CENATAC: variants seen among roughly 807,000 people sequenced by gnomAD.
CENATAC encodes centrosomal AT-AC splicing factor.
CENATAC carries 53 observed loss-of-function variants against 53.7 expected under a neutral mutation model. That is an observed-to-expected ratio of 0.99 (90% CI 0.79 to 1.24). The LOEUF is 1.24. Ranked by LOEUF, CENATAC falls within the 50% of genes most tolerant of loss-of-function variation. The probability of loss-of-function intolerance (pLI) is 0.00; values close to 1 mark genes in which losing one functional copy is unlikely to be tolerated. For synonymous variants in CENATAC, 156 were observed against 144.6 expected (o/e 1.08, Z -0.57); for missense variants, 474 against 417.8 (o/e 1.13, Z -1.17).
intron 1 of CENATAC, 27 bp from the exon 2 acceptor site, chr11:118,998,403 G>A (rs1189949773): frequency 5.6e-6 from 9 of 1,612,616 alleles, no homozygotes; most frequent in Non-Finnish European, 7.6e-6. Context: ...GTCCCCCTCG[G>A]GGTTCTACTT....
chr11:119,009,565 G>A (rs1016580840), intron 3 of CENATAC: 2 of 152,248 alleles, frequency 1.3e-5, no homozygotes, highest in Admixed American at 1.3e-4. Flanking sequence ...GGGAGATGGG[G>A]AGGGAAGTGG....
At chr11:119,009,696 T>TC (rs1942776543) in intron 3 of CENATAC, 1 of 152,252 alleles carries the variant, frequency 6.6e-6, no homozygotes, top group Non-Finnish European at 1.5e-5. Flanking sequence ...TTGGATATAT[T>TC]CAAGGCTCTC....
At chr11:118,999,666 T>A (rs2134516444) in intron 3 of CENATAC, among the ~76,000 whole-genome samples, 1 of 151,940 alleles carries the variant, frequency 6.6e-6, no homozygotes, top group African/African-American at 2.4e-5. Flanking sequence ...TTTTTCTTTT[T>A]ATTTTTCGCT....
chr11:119,010,644 C>T lies in CENATAC; in HGVS notation c.384-120C>T. On this transcript the variant is annotated intron_variant, in intron 3 of 10. Transcript: ENST00000334418. ...TGGGTGAGAGGTACATAGGTGCTTACTATACTGTTTTGTTTCTGAATTTGG... is the reference window on the plus strand; with the variant it reads ...TGGGTGAGAGGTACATAGGTGCTTATTATACTGTTTTGTTTCTGAATTTGG... The T allele has an allele frequency of 4.4e-5, 37 of 839,386 alleles. 2 individuals carry two copies. In the South Asian group the frequency reaches 6.0e-4, roughly 14 times the overall value. 52.0% of individuals were successfully genotyped at this position (839,386 alleles called of 1,614,324 possible).
intron 9 of CENATAC, 66 bp from the exon 10 acceptor site, chr11:119,015,241 C>T: frequency 6.6e-7 from 1 of 1,518,380 alleles, no homozygotes; most frequent in Non-Finnish European, 8.9e-7. Flanking sequence ...GCCTGGACAA[C>T]ATAGTGAGAC....
chr11:119,008,860 C>T (rs1410002627), intron 3 of CENATAC, among the ~76,000 whole-genome samples: 4 of 151,802 alleles, frequency 2.6e-5, no homozygotes, highest in Non-Finnish European at 5.9e-5. Context: ...ATGACCTTTA[C>T]CAGATGTACT....
rs782309167 is a variant in CENATAC at position 118,998,444 on chromosome 11, C to G, written c.135C>G (p.Arg45=). Residue 45 remains arginine (R), a synonymous_variant, in exon 2 of 11, where the codon CGC becomes CGG. Transcript: ENST00000334418. ...ERLLPQVEAA[R]KAIRAAQVER... ...CTCTGCGGCAGGTGGAGGCGGCCCG[C>G]AAGGCCATCCGCGCCGCTCAGGTGG... The G allele has an allele frequency of 1.4e-5, 23 of 1,612,266 alleles. No homozygotes were observed. Among genetic ancestry groups the G allele is most frequent in the Non-Finnish European group, 1.9e-5 (22 of 1,179,766 alleles).
intron 4 of CENATAC, 145 bp downstream of exon 4, chr11:119,010,975 A>G (rs1942841867): frequency 4.1e-6 from 3 of 729,804 alleles, no homozygotes; most frequent in Non-Finnish European, 7.0e-6. Context: ...GATTCTCATA[A>G]GGAGCACGCA....
At chr11:119,004,630 A>C (rs372540708) in intron 3 of CENATAC, 3 of 152,534 alleles carry the variant, frequency 2.0e-5, no homozygotes, top group African/African-American at 7.2e-5. Context: ...CTATAGTCCT[A>C]CTTACTCTGG....
chr11:119,012,390 T>G (rs1033349114), intron 7 of CENATAC, 136 bp downstream of exon 7: 12 of 944,822 alleles, frequency 1.3e-5, no homozygotes, highest in African/African-American at 3.3e-5. Flanking sequence ...TGTTCCCTAG[T>G]AGTGTTCTCA....
rs1004272516 is a variant in CENATAC, at chr11:119,007,341, G to A, written c.384-3423G>A. On this transcript the variant is annotated intron_variant, in intron 3 of 10. Transcript: ENST00000334418. ...TGGGATTACAGGCACGTGCCACCAC[G>A]CCCGGCTCATTTTTGTACTTTCAAT... Among the ~76,000 whole-genome samples, 7 of 152,090 alleles carry A rather than the reference G, an allele frequency of 4.6e-5. No individual in the cohort carries two copies. In the South Asian group the frequency reaches 1.2e-3, roughly 27 times the overall value.
At chr11:119,014,535 A>G (rs1253207359) in intron 8 of CENATAC, 1 of 152,186 alleles carries the variant, frequency 6.6e-6, no homozygotes, top group Non-Finnish European at 1.5e-5. Flanking sequence ...CAGTGAGCTG[A>G]GATTGTGTCC....
Position 119,012,140 on chromosome 11 carries a change from G to A in CENATAC, c.579-9G>A, listed in dbSNP as rs1234975969. On this transcript the variant is annotated splice_polypyrimidine_tract_variant and intron_variant, in intron 6 of 10. Coordinates refer to ENST00000334418, the MANE Select transcript of CENATAC (RefSeq NM_198489.3). ...GACCTCATCTGGCAGCCTGGCTCAT[G>A]TTTTTCAGCCAAGTAGCTTCCAGCT... 9 of 1,614,168 alleles carry A rather than the reference G, an allele frequency of 5.6e-6. No individual in the cohort carries two copies. Among genetic ancestry groups the A allele is most frequent in the South Asian group, 1.1e-5 (1 of 91,080 alleles).
chr11:119,000,719 T>A (rs1387678155), intron 3 of CENATAC, among the ~76,000 whole-genome samples: 1 of 151,952 alleles, frequency 6.6e-6, no homozygotes, highest in Non-Finnish European at 1.5e-5. Context: ...ATCGCACCAC[T>A]TCACTCCAGC....
intron 3 of CENATAC, among the ~76,000 whole-genome samples, chr11:118,999,976 C>A (rs1445145287): frequency 6.6e-6 from 1 of 152,194 alleles, no homozygotes; most frequent in Non-Finnish European, 1.5e-5. Context: ...GGGATTTCAC[C>A]ATGTTGGCCA....
chr11:119,015,190 C>A, intron 9 of CENATAC, 107 bp downstream of exon 9: 2 of 1,444,978 alleles, frequency 1.4e-6, no homozygotes, highest in Non-Finnish European at 1.9e-6. Flanking sequence ...TTTTGGGAGG[C>A]TGAGGTGGGA....
chr11:119,008,519 C>G (rs1029805240), intron 3 of CENATAC, among the ~76,000 whole-genome samples: 76 of 152,330 alleles, frequency 5.0e-4, no homozygotes, highest in Middle Eastern at 3.4e-3. Flanking sequence ...TCGCCTCCCG[C>G]CACAGGGCAG....
rs116661048 is a variant in CENATAC at position 119,013,280 on chromosome 11, G to A, written c.715+18G>A. Reference sequence around the variant, plus strand: ...CCACTCAGGTAAGGTCCAGGGCAGTGTTTTTAAAACCCTGGGAGATTTTTT... The same window carrying A: ...CCACTCAGGTAAGGTCCAGGGCAGTATTTTTAAAACCCTGGGAGATTTTTT... On this transcript the variant is annotated intron_variant, in intron 8 of 10. Coordinates refer to ENST00000334418, the MANE Select transcript of CENATAC (RefSeq NM_198489.3). The A allele has an allele frequency of 3.5e-3, 5,578 of 1,575,642 alleles. 172 individuals carry two copies. The African/African-American group carries it at 0.068, about 19-fold the overall frequency.
rs201552102 is a variant in CENATAC at position 118,998,396 on chromosome 11, C to A, written c.121-34C>A. On this transcript the variant is annotated intron_variant, in intron 1 of 10. Transcript: ENST00000334418. ...CCAGAGCGGGTGTGATTTGGGGGTC[C>A]CCCTCGGGGTTCTACTTGGCCTCTC... 3.9e-4 allele frequency: 628 copies of A among 1,612,196 alleles called. 2 individuals carry two copies. The African/African-American group carries it at 7.4e-3, about 19-fold the overall frequency.
Sources: gnomAD v4.1 joint callset for allele counts (sites outside exome capture counted in the v4.1 genomes callset) on GRCh38, gnomAD v4.1.1 for gene constraint, MANE v1.5 for transcripts, NCBI Gene and HGNC (gene_info 2026-07-23, HGNC 2026-07-21) for gene names.